The following TENM2 variants were observed in gnomAD, a reference collection of about 807,000 sequenced individuals.
TENM2 encodes the protein teneurin transmembrane protein 2, also known as teneurin-2.
TENM2 carries 52 observed loss-of-function variants against 245.2 expected under a neutral mutation model. That is an observed-to-expected ratio of 0.21 (90% CI 0.17 to 0.27). The LOEUF is 0.27. TENM2 is among the 10% of genes least tolerant of loss of function. TENM2 has a pLI of 1.00. For synonymous variants in TENM2, 1,363 were observed against 1,438.9 expected, an observed-to-expected ratio of 0.95 and a Z score of 1.19; for missense variants, 3,046 against 3,666.8, an observed-to-expected ratio of 0.83 and a Z score of 4.37.
At chr5:167,245,059 C>G in the TENM2 span, among the ~76,000 whole-genome samples, 1 of 152,136 alleles carries the variant, frequency 6.6e-6, no homozygotes, top group African/African-American at 2.4e-5. Flanking sequence ...ATTCCGGTGT[C>G]TAATTCTTAG....
intron 2 of TENM2, among the ~76,000 whole-genome samples, chr5:167,393,124 G>A (rs1761854041): frequency 6.7e-6 from 1 of 148,986 alleles, no homozygotes; most frequent in Admixed American, 6.7e-5. Context: ...TCCATCTCGG[G>A]GGAAAAAAAA....
At chr5:168,178,629 G>A (rs1346827338) in intron 13 of TENM2, among the ~76,000 whole-genome samples, 1 of 152,218 alleles carries the variant, frequency 6.6e-6, no homozygotes, top group African/African-American at 2.4e-5. Flanking sequence ...GCAGGGGCGG[G>A]ACAGGGAGAG....
At chr5:168,124,319 C>G (rs1457357233) in intron 10 of TENM2, among the ~76,000 whole-genome samples, 1 of 152,198 alleles carries the variant, frequency 6.6e-6, no homozygotes, top group Non-Finnish European at 1.5e-5. Flanking sequence ...TAAGTGAAAC[C>G]TCATTAGGAA....
chr5:168,188,717 C>A (rs969361127), intron 13 of TENM2, among the ~76,000 whole-genome samples: 2 of 152,152 alleles, frequency 1.3e-5, no homozygotes, highest in African/African-American at 2.4e-5. Context: ...GTTTTTAAAT[C>A]GTATTGTGTG....
At chr5:167,694,371 C>T (rs1757627984) in intron 2 of TENM2, among the ~76,000 whole-genome samples, 1 of 152,188 alleles carries the variant, frequency 6.6e-6, no homozygotes, top group Non-Finnish European at 1.5e-5. Flanking sequence ...TTCTCATCCA[C>T]AGCCCAGGTT....
chr5:168,080,488 G>C (rs1447309637), intron 7 of TENM2, among the ~76,000 whole-genome samples: 1 of 152,050 alleles, frequency 6.6e-6, no homozygotes, highest in Non-Finnish European at 1.5e-5. Flanking sequence ...GAATGTGTTT[G>C]CTCTTGCTTC....
intron 2 of TENM2, among the ~76,000 whole-genome samples, chr5:167,726,428 A>G (rs1760011664): frequency 6.6e-6 from 1 of 151,908 alleles, no homozygotes; most frequent in South Asian, 2.1e-4. Flanking sequence ...GCCCCTTCTC[A>G]CCCCTTTCCT....
chr5:167,053,884 A>G, the TENM2 span, among the ~76,000 whole-genome samples: 1 of 152,142 alleles, frequency 6.6e-6, no homozygotes, highest in African/African-American at 2.4e-5. Context: ...TTTAATTAAC[A>G]AGCTTGATTT....
the TENM2 span, among the ~76,000 whole-genome samples, chr5:167,091,453 A>T: frequency 6.6e-6 from 1 of 152,174 alleles, no homozygotes; most frequent in African/African-American, 2.4e-5. Flanking sequence ...TTAACCTCAC[A>T]ATGGCATTTG....
intron 2 of TENM2, among the ~76,000 whole-genome samples, chr5:167,416,829 C>T (rs1240322367): frequency 1.3e-5 from 2 of 152,100 alleles, no homozygotes; most frequent in African/African-American, 4.8e-5. Flanking sequence ...TTTTAGCTGT[C>T]TATAGATATT....
chr5:167,825,788 C>G (rs1267468658), intron 2 of TENM2, among the ~76,000 whole-genome samples: 1 of 151,514 alleles, frequency 6.6e-6, no homozygotes, highest in Non-Finnish European at 1.5e-5. Context: ...TGACTGAGCT[C>G]TCAGTGCGCT....
intron 2 of TENM2, among the ~76,000 whole-genome samples, chr5:167,382,479 G>A (rs1039650377): frequency 6.6e-6 from 1 of 152,160 alleles, no homozygotes; most frequent in Non-Finnish European, 1.5e-5. Flanking sequence ...TCTTCAACCA[G>A]TGGATAAGCA....
At chr5:168,054,460 A>C (rs567124968) in intron 6 of TENM2, among the ~76,000 whole-genome samples, 8 of 152,366 alleles carry the variant, frequency 5.3e-5, no homozygotes, top group Non-Finnish European at 1.2e-4. Context: ...CAATATTCTG[A>C]ATTCAATTTT....
intron 2 of TENM2, among the ~76,000 whole-genome samples, chr5:167,774,205 G>GGAGA (rs1763595846): frequency 8.1e-6 from 1 of 124,002 alleles, no homozygotes; most frequent in Non-Finnish European, 1.7e-5. Flanking sequence ...AAGGAGGAAG[G>GGAGA]GAGGGAGGGA....
intron 2 of TENM2, among the ~76,000 whole-genome samples, chr5:167,782,578 C>T (rs1764272547): frequency 6.6e-6 from 1 of 152,056 alleles, no homozygotes; most frequent in African/African-American, 2.4e-5. Context: ...TCACACTGTC[C>T]TTCAACCGGC....
the TENM2 span, among the ~76,000 whole-genome samples, chr5:167,038,136 C>T: frequency 6.6e-6 from 1 of 152,176 alleles, no homozygotes; most frequent in Admixed American, 6.6e-5. Flanking sequence ...CATTGGCTTT[C>T]CTCATGGGAT....
At chr5:167,890,544 A>G (rs1774664301) in intron 3 of TENM2, among the ~76,000 whole-genome samples, 1 of 152,152 alleles carries the variant, frequency 6.6e-6, no homozygotes, top group Non-Finnish European at 1.5e-5. Flanking sequence ...TATTTAGGTG[A>G]CAATGTTGAA....
At chr5:168,181,889 C>T (rs183878959) in intron 13 of TENM2, among the ~76,000 whole-genome samples, 1 of 152,098 alleles carries the variant, frequency 6.6e-6, no homozygotes, top group East Asian at 1.9e-4. Flanking sequence ...GTTGGTCAGG[C>T]TGGTCTCGAA....
chr5:167,244,039 T>G, the TENM2 span, among the ~76,000 whole-genome samples: 1 of 152,204 alleles, frequency 6.6e-6, no homozygotes, highest in African/African-American at 2.4e-5. Context: ...CTTCTTCCTT[T>G]CTGTGAGTGA....
Sources: allele counts gnomAD v4.1 joint callset (sites outside exome capture counted in the v4.1 genomes callset), GRCh38; gene constraint gnomAD v4.1.1; transcripts MANE v1.5; gene names NCBI Gene and HGNC (gene_info 2026-07-23, HGNC 2026-07-21).